ALK: variants seen among roughly 807,000 people sequenced by gnomAD.
ALK encodes ALK receptor tyrosine kinase, also known as ALK tyrosine kinase receptor.
ALK carries 74 observed loss-of-function variants against 163.1 expected under a neutral mutation model. The ratio of observed to expected loss-of-function variants is 0.45; its 90% confidence interval spans 0.38 to 0.55. The LOEUF is 0.55. ALK is among the 20% of genes least tolerant of loss of function. ALK has a pLI of 0.00. For synonymous variants in ALK, 960 were observed against 843.2 expected, an observed-to-expected ratio of 1.14 and a Z score of -2.40; for missense variants, 2,063 against 2,105.3, an observed-to-expected ratio of 0.98 and a Z score of 0.39.
intron 1 of ALK, among the ~76,000 whole-genome samples, chr2:29,849,416 G>T (rs182499259): frequency 6.6e-6 from 1 of 152,342 alleles, no homozygotes; most frequent in African/African-American, 2.4e-5. Flanking sequence ...AGCTGTGGCA[G>T]AATTACAGGA....
chr2:29,733,461 T>A (rs776472574), intron 1 of ALK, among the ~76,000 whole-genome samples: 2 of 152,298 alleles, frequency 1.3e-5, no homozygotes, highest in Middle Eastern at 6.8e-3. Context: ...AACTCACAGT[T>A]CCAACACTTA....
intron 1 of ALK, among the ~76,000 whole-genome samples, chr2:29,902,522 C>T (rs922750229): frequency 1.3e-5 from 2 of 152,198 alleles, no homozygotes; most frequent in African/African-American, 2.4e-5. Flanking sequence ...TGATGGCTGC[C>T]TGTTTCCTGC....
At chr2:29,820,621 T>G (rs574650963) in intron 1 of ALK, among the ~76,000 whole-genome samples, 1 of 152,288 alleles carries the variant, frequency 6.6e-6, no homozygotes, top group African/African-American at 2.4e-5. Context: ...AAGAAGCACG[T>G]CCCATGCCAT....
intron 3 of ALK, among the ~76,000 whole-genome samples, chr2:29,591,932 G>A (rs1022798136): frequency 1.6e-4 from 24 of 151,928 alleles, no homozygotes; most frequent in Admixed American, 1.0e-3. Flanking sequence ...TCATGAGTCC[G>A]TCTTTATTCT....
intron 11 of ALK, among the ~76,000 whole-genome samples, chr2:29,265,378 T>A (rs1665195983): frequency 6.6e-6 from 1 of 152,150 alleles, no homozygotes; most frequent in African/African-American, 2.4e-5. Context: ...GCCACTCCCC[T>A]AATCCCATGT....
In ALK at chr2:29,254,624, G is replaced by T. The variant is rs72790273; in HGVS notation, c.2042-3357C>A. Among the ~76,000 whole-genome samples, 1,447 of 152,298 alleles carry T rather than the reference G, an allele frequency of 9.5e-3. 8 individuals carry two copies. The highest frequency in any genetic ancestry group is 0.015 in the Non-Finnish European group (1,051 of 68,026). ...AAGGTAGATTGTACAACCTCTCTAA[G>T]CCTCAGTTTTTAAAATGTGAACAAT... is the stretch of plus-strand genomic sequence containing the variant. On this transcript the variant is annotated intron_variant, in intron 11 of 28. Coordinates refer to ENST00000389048, the MANE Select transcript of ALK (RefSeq NM_004304.5).
At position 29,431,424 on chromosome 2, in the gene ALK, T is replaced by A. The variant is rs115009640; in HGVS notation, c.1155-47565A>T. On this transcript the variant is annotated intron_variant, in intron 4 of 28. Coordinates refer to ENST00000389048, the MANE Select transcript of ALK (RefSeq NM_004304.5). ...TCCTGTAGCCAACTGATTCGAATTT[T>A]AGCTAAAATTAAGTCCCAAATAAAA... is the stretch of plus-strand genomic sequence containing the variant. Among the ~76,000 whole-genome samples the A allele has an allele frequency of 5.0e-3, 763 of 152,310 alleles. 4 individuals carry two copies. Among genetic ancestry groups the A allele is most frequent in the Non-Finnish European group, 7.9e-3 (538 of 68,026 alleles).
chr2:29,811,632 G>A (rs180958796), intron 1 of ALK, among the ~76,000 whole-genome samples: 2 of 152,224 alleles, frequency 1.3e-5, no homozygotes, highest in African/African-American at 4.8e-5. Flanking sequence ...CATGCCAAAG[G>A]CATGACTCTA....
intron 4 of ALK, among the ~76,000 whole-genome samples, chr2:29,480,254 G>A (rs2148117515): frequency 6.6e-6 from 1 of 152,290 alleles, no homozygotes; most frequent in Middle Eastern, 3.4e-3. Flanking sequence ...GAAGGAGGAT[G>A]AGGCGAGGCT....
rs538520540 is a variant in ALK at position 29,639,250 on chromosome 2, G to A, written c.952+55600C>T. Among the ~76,000 whole-genome samples, 9 of 152,120 alleles carry A rather than the reference G, an allele frequency of 5.9e-5. No homozygotes were observed. The South Asian group carries it at 1.2e-3, about 21-fold the overall frequency. On this transcript the variant is annotated intron_variant, in intron 3 of 28. Coordinates refer to ENST00000389048, the MANE Select transcript of ALK (RefSeq NM_004304.5). ...TTCTGGGTCACCTGAGGGTAGCTTC[G>A]GCAGGAGATCAGGAACAAAACCACC...
At chr2:29,838,966 C>G (rs1275057043) in intron 1 of ALK, among the ~76,000 whole-genome samples, 1 of 151,920 alleles carries the variant, frequency 6.6e-6, no homozygotes, top group African/African-American at 2.4e-5. Context: ...AAGGCACAAC[C>G]CAACAGCTTA....
intron 5 of ALK, among the ~76,000 whole-genome samples, chr2:29,344,755 T>C (rs995296338): frequency 6.6e-6 from 1 of 152,182 alleles, no homozygotes; most frequent in Non-Finnish European, 1.5e-5. Flanking sequence ...AATAGATAAC[T>C]GGGATGTCTG....
At chr2:29,866,228 C>T (rs529266189) in intron 1 of ALK, among the ~76,000 whole-genome samples, 1 of 152,278 alleles carries the variant, frequency 6.6e-6, no homozygotes, top group African/African-American at 2.4e-5. Context: ...CCACTTCATC[C>T]CTCAAGAGAT....
intron 4 of ALK, among the ~76,000 whole-genome samples, chr2:29,522,794 C>A (rs893930378): frequency 6.6e-6 from 1 of 152,154 alleles, no homozygotes; most frequent in Non-Finnish European, 1.5e-5. Context: ...CCTGGCTCAT[C>A]CACTGAAACC....
intron 1 of ALK, among the ~76,000 whole-genome samples, chr2:29,777,734 G>A (rs1228451596): frequency 6.6e-6 from 1 of 152,160 alleles, no homozygotes; most frequent in Non-Finnish European, 1.5e-5. Context: ...TGTCTAGGAT[G>A]GGGTCTAAGG....
At chr2:29,244,998 AGTGTTATGG>A (rs1053177225) in intron 12 of ALK, among the ~76,000 whole-genome samples, 1 of 137,174 alleles carries the variant, frequency 7.3e-6, no homozygotes, top group African/African-American at 2.8e-5. Flanking sequence ...ACACAGTAGG[AGTGTTATGG>A]CTCAGTGCCT....
At chr2:29,314,545 G>A (rs1666776899) in intron 8 of ALK, among the ~76,000 whole-genome samples, 1 of 152,122 alleles carries the variant, frequency 6.6e-6, no homozygotes. Context: ...CGCAACTGCA[G>A]CTCTGGCCAG....
At chr2:29,454,979 T>C (rs1326463340) in intron 4 of ALK, among the ~76,000 whole-genome samples, 1 of 152,200 alleles carries the variant, frequency 6.6e-6, no homozygotes, top group Non-Finnish European at 1.5e-5. Context: ...AGAAAATCAC[T>C]GGCCCTAATT....
chr2:29,465,453 G>C (rs113254205), intron 4 of ALK, among the ~76,000 whole-genome samples: 4,600 of 152,248 alleles, frequency 0.03, 96 homozygotes, highest in South Asian at 0.098. Flanking sequence ...CAACACTTTG[G>C]GAGGCTGAGG....
Sources: gnomAD v4.1 joint callset for allele counts (sites outside exome capture counted in the v4.1 genomes callset) on GRCh38, gnomAD v4.1.1 for gene constraint, MANE v1.5 for transcripts, NCBI Gene and HGNC (gene_info 2026-07-23, HGNC 2026-07-21) for gene names.